DENND1A: variants seen among roughly 807,000 people sequenced by gnomAD.
The protein encoded by DENND1A is DENN domain containing 1A, also known as DENN domain-containing protein 1A.
In DENND1A, 51 loss-of-function variants were observed where a neutral mutation model predicts 113.7. The observed-to-expected ratio is 0.45, with a 90% CI of 0.36 to 0.57. DENND1A has a LOEUF of 0.57. DENND1A is among the 20% of genes least tolerant of loss of function. The pLI is 0.00. For synonymous variants in DENND1A, 565 were observed against 570.8 expected (o/e 0.99, Z 0.14); for missense variants, 1,258 against 1,395.9 (o/e 0.90, Z 1.57).
At chr9:123,860,338 G>A (rs1185176346) in intron 2 of DENND1A, among the ~76,000 whole-genome samples, 1 of 152,112 alleles carries the variant, frequency 6.6e-6, no homozygotes, top group African/African-American at 2.4e-5. Flanking sequence ...TTATTCTACA[G>A]GGAGCCTACT....
chr9:123,928,656 T>A, intron 1 of DENND1A: 1 of 985,440 alleles, frequency 1.0e-6, no homozygotes, highest in Non-Finnish European at 1.2e-6. Flanking sequence ...GCGCATCTCA[T>A]ACATATTTTG....
chr9:123,604,282 T>G (rs190711421), intron 11 of DENND1A, among the ~76,000 whole-genome samples: 4 of 152,360 alleles, frequency 2.6e-5, no homozygotes, highest in African/African-American at 9.6e-5. Context: ...TAGGTTTCAG[T>G]GTGGGCATTC....
chr9:123,500,830 G>T (rs1463557118), intron 13 of DENND1A, among the ~76,000 whole-genome samples: 1 of 152,188 alleles, frequency 6.6e-6, no homozygotes, highest in Non-Finnish European at 1.5e-5. Flanking sequence ...ATCAAGGGCA[G>T]GATCTAACCA....
chr9:123,882,965 C>A (rs138179112), intron 1 of DENND1A, among the ~76,000 whole-genome samples: 1 of 152,224 alleles, frequency 6.6e-6, no homozygotes, highest in South Asian at 2.1e-4. Context: ...CCTCTGCCTA[C>A]CTGTCCAACT....
chr9:123,661,134 A>C (rs558116372), intron 8 of DENND1A, among the ~76,000 whole-genome samples: 1 of 152,338 alleles, frequency 6.6e-6, no homozygotes, highest in Admixed American at 6.5e-5. Flanking sequence ...CACAAAAAGA[A>C]TTCCAAAAAG....
intron 1 of DENND1A, among the ~76,000 whole-genome samples, chr9:123,922,209 C>G (rs542298436): frequency 1.5e-3 from 224 of 152,288 alleles, no homozygotes; most frequent in African/African-American, 5.2e-3. Context: ...GCTGGCATTA[C>G]AGGCATGAGC....
rs777608404 is a variant in DENND1A at position 123,382,601 on chromosome 9, T to C, written c.2044A>G (p.Arg682Gly). Residue 682 changes from arginine to glycine, a missense_variant, in exon 24 of 24, where the codon AGG becomes GGG. Transcript: ENST00000394215. ...AAGGCCACTGTCACCCCGCGGCTCCTCTCACTCCCGCCCAGATCCAGCCTC... is the reference window on the plus strand; with the variant it reads ...AAGGCCACTGTCACCCCGCGGCTCCCCTCACTCCCGCCCAGATCCAGCCTC... ...YQRLDLGGSE[R>G]SRGVTVALKL... 2.9e-5 allele frequency: 46 copies of C among 1,613,984 alleles called. No individual in the cohort carries two copies. The highest frequency in any genetic ancestry group is 3.6e-5 in the Non-Finnish European group (43 of 1,179,996).
intron 11 of DENND1A, among the ~76,000 whole-genome samples, chr9:123,598,902 G>T (rs1356849997): frequency 1.3e-5 from 2 of 152,198 alleles, no homozygotes; most frequent in African/African-American, 4.8e-5. Context: ...GGCTAAGGAA[G>T]TGTCCAGGAG....
chr9:123,597,244 T>C (rs764375179), intron 11 of DENND1A, among the ~76,000 whole-genome samples: 6 of 152,218 alleles, frequency 3.9e-5, no homozygotes, highest in South Asian at 2.1e-4. Flanking sequence ...CGCTGAAACA[T>C]TGTTTATTGC....
chr9:123,506,673 G>C (rs2052980663), intron 13 of DENND1A, among the ~76,000 whole-genome samples: 1 of 150,630 alleles, frequency 6.6e-6, no homozygotes, highest in Non-Finnish European at 1.5e-5. Context: ...ACAGAGATTA[G>C]GGTAATTATG....
intron 11 of DENND1A, 38 bp downstream of exon 11, chr9:123,609,398 C>T: frequency 6.2e-7 from 1 of 1,609,394 alleles, no homozygotes; most frequent in Non-Finnish European, 8.5e-7. Flanking sequence ...AACAAAGCCC[C>T]AGGTAGAGCC....
intron 17 of DENND1A, among the ~76,000 whole-genome samples, chr9:123,451,480 C>T (rs369218304): frequency 6.6e-5 from 10 of 152,210 alleles, no homozygotes; most frequent in African/African-American, 1.4e-4. Flanking sequence ...GCTGTGGACA[C>T]GAGTCTTACA....
At chr9:123,695,197 TTAA>T (rs1223655561) in intron 5 of DENND1A, among the ~76,000 whole-genome samples, 2 of 150,906 alleles carry the variant, frequency 1.3e-5, no homozygotes, top group African/African-American at 5.0e-5. Context: ...AAGTTAATAC[TTAA>T]TAACTCTCCA....
intron 1 of DENND1A, among the ~76,000 whole-genome samples, chr9:123,892,686 C>T (rs897124991): frequency 5.3e-5 from 8 of 152,206 alleles, no homozygotes; most frequent in African/African-American, 1.9e-4. Flanking sequence ...AACAAACCTG[C>T]ACATCCTACA....
At chr9:123,728,182 A>C (rs2067853127) in intron 5 of DENND1A, among the ~76,000 whole-genome samples, 1 of 151,502 alleles carries the variant, frequency 6.6e-6, no homozygotes, top group South Asian at 2.1e-4. Flanking sequence ...ATATTGTAAA[A>C]AGGTTATCTT....
intron 2 of DENND1A, among the ~76,000 whole-genome samples, chr9:123,828,359 C>A (rs1262417420): frequency 1.3e-5 from 2 of 151,738 alleles, no homozygotes; most frequent in African/African-American, 4.8e-5. Flanking sequence ...ATGGATAACA[C>A]TGAAAAAGAG....
intron 5 of DENND1A, among the ~76,000 whole-genome samples, chr9:123,732,081 C>G (rs1016416127): frequency 1.3e-5 from 2 of 152,200 alleles, no homozygotes; most frequent in Non-Finnish European, 2.9e-5. Context: ...ACTCTGACAC[C>G]TTGCTTGTGG....
intron 5 of DENND1A, among the ~76,000 whole-genome samples, chr9:123,710,074 G>C (rs2066479164): frequency 6.6e-6 from 1 of 152,330 alleles, no homozygotes; most frequent in South Asian, 2.1e-4. Flanking sequence ...TGCTTTCAAA[G>C]TTAATACTCT....
intron 18 of DENND1A, among the ~76,000 whole-genome samples, chr9:123,446,126 G>A (rs946781905): frequency 6.6e-6 from 1 of 152,206 alleles, no homozygotes; most frequent in Non-Finnish European, 1.5e-5. Context: ...ACATCTCCAT[G>A]TGGGGGAGTT....
Sources: gnomAD v4.1 joint callset for allele counts (sites outside exome capture counted in the v4.1 genomes callset) on GRCh38, gnomAD v4.1.1 for gene constraint, MANE v1.5 for transcripts, NCBI Gene and HGNC (gene_info 2026-07-23, HGNC 2026-07-21) for gene names.